ST3GAL3: variants seen among roughly 807,000 people sequenced by gnomAD.
ST3GAL3 encodes the protein ST3 beta-galactoside alpha-2,3-sialyltransferase 3.
A neutral mutation model predicts 50.1 loss-of-function variants in ST3GAL3; 21 were observed. The observed-to-expected ratio is 0.42, with a 90% CI of 0.30 to 0.60. ST3GAL3 has a LOEUF of 0.60. Ranked by LOEUF, ST3GAL3 falls within the 20% of genes least tolerant of loss-of-function variation. The pLI, the probability that ST3GAL3 is intolerant of heterozygous loss-of-function variation, is 0.19. For missense variants in ST3GAL3, 353 were observed against 489.4 expected (o/e 0.72, Z 2.63); for synonymous variants, 183 against 190.0 (o/e 0.96, Z 0.30).
intron 5 of ST3GAL3, among the ~76,000 whole-genome samples, chr1:43,883,709 G>C (rs3791097): frequency 0.094 from 14,281 of 152,210 alleles, 902 homozygotes; most frequent in South Asian, 0.23. Flanking sequence ...GGTGGGGAGG[G>C]TGCCAGGCTG....
At chr1:43,910,156 G>C (rs908085233) in intron 9 of ST3GAL3, among the ~76,000 whole-genome samples, 2 of 152,196 alleles carry the variant, frequency 1.3e-5, no homozygotes, top group Non-Finnish European at 2.9e-5. Flanking sequence ...TTGTAGTGTT[G>C]TTTGTAATAG....
rs115910682 is a variant in ST3GAL3 at position 43,812,169 on chromosome 1, T to C, written c.167-2722T>C. On this transcript the variant is annotated intron_variant, in intron 3 of 11. Coordinates refer to ENST00000347631, the MANE Select transcript of ST3GAL3 (RefSeq NM_006279.5). ...TCATGAGCTGTCAGTCCACATAATC[T>C]TTACATTTTTCTTGAATCCATTTGC... Among the ~76,000 whole-genome samples the C allele has an allele frequency of 3.5e-3, 531 of 152,328 alleles. 5 individuals carry two copies. The highest frequency in any genetic ancestry group is 0.012 in the African/African-American group (513 of 41,570).
intron 11 of ST3GAL3, 131 bp downstream of exon 11, chr1:43,921,059 C>G: frequency 9.3e-7 from 1 of 1,074,702 alleles, no homozygotes; most frequent in Non-Finnish European, 1.4e-6. Flanking sequence ...CACCAAGCAT[C>G]CTACGTGCCC....
chr1:43,728,632 T>C (rs1674139815), intron 1 of ST3GAL3, among the ~76,000 whole-genome samples: 1 of 152,148 alleles, frequency 6.6e-6, no homozygotes, highest in South Asian at 2.1e-4. Context: ...GTGCCTATGG[T>C]CCTACCTACT....
At chr1:43,708,742 C>T (rs1369618115) in intron 1 of ST3GAL3, among the ~76,000 whole-genome samples, 2 of 152,224 alleles carry the variant, frequency 1.3e-5, no homozygotes, top group Non-Finnish European at 2.9e-5. Context: ...TGGTGAATCT[C>T]TCCATTTCGC....
chr1:43,925,327 A>G (rs1244229600), intron 11 of ST3GAL3, among the ~76,000 whole-genome samples: 2 of 148,546 alleles, frequency 1.3e-5, no homozygotes, highest in African/African-American at 2.5e-5. Flanking sequence ...TAGCTTCTCA[A>G]ATCATAAAAG....
intron 5 of ST3GAL3, among the ~76,000 whole-genome samples, chr1:43,873,564 C>A (rs2073453488): frequency 6.6e-6 from 1 of 151,984 alleles, no homozygotes; most frequent in Non-Finnish European, 1.5e-5. Context: ...GTGGGCAGAT[C>A]ACCTGAGGCC....
chr1:43,738,389 T>C (rs1185826857), intron 2 of ST3GAL3: 1 of 152,224 alleles, frequency 6.6e-6, no homozygotes, highest in Non-Finnish European at 1.5e-5. Flanking sequence ...ATAGGTTGTT[T>C]AGACCATCTG....
chr1:43,880,087 G>A (rs965345006), intron 5 of ST3GAL3, among the ~76,000 whole-genome samples: 9 of 152,216 alleles, frequency 5.9e-5, no homozygotes, highest in African/African-American at 2.2e-4. Context: ...ACATGGTGGA[G>A]GCTGTCACCC....
intron 11 of ST3GAL3, among the ~76,000 whole-genome samples, chr1:43,928,615 A>C (rs1473340674): frequency 6.9e-6 from 1 of 144,652 alleles, no homozygotes; most frequent in Non-Finnish European, 1.5e-5. Context: ...AAAAACAAAA[A>C]CATTTATGGT....
chr1:43,786,599 T>C (rs1324646954), intron 2 of ST3GAL3, among the ~76,000 whole-genome samples: 1 of 152,224 alleles, frequency 6.6e-6, no homozygotes, highest in Non-Finnish European at 1.5e-5. Flanking sequence ...GTTACATGCT[T>C]TAATATTCTT....
intron 5 of ST3GAL3, among the ~76,000 whole-genome samples, chr1:43,884,467 C>T (rs539933663): frequency 8.5e-5 from 13 of 152,346 alleles, no homozygotes; most frequent in Admixed American, 1.3e-4. Flanking sequence ...ACACCAGGCT[C>T]TTCCTGTGCA....
chr1:43,908,392 A>G (rs967627663), intron 9 of ST3GAL3, among the ~76,000 whole-genome samples: 10 of 152,144 alleles, frequency 6.6e-5, no homozygotes, highest in Non-Finnish European at 1.2e-4. Context: ...TTCTCATACC[A>G]GCAGCACCAG....
chr1:43,922,270 G>A (rs1241144003), intron 11 of ST3GAL3: 1 of 152,298 alleles, frequency 6.6e-6, no homozygotes, highest in Non-Finnish European at 1.5e-5. Flanking sequence ...AGGAGGCCAA[G>A]GTGGGCGGAT....
At chr1:43,809,182 A>G (rs1427827676) in intron 3 of ST3GAL3, among the ~76,000 whole-genome samples, 2 of 152,200 alleles carry the variant, frequency 1.3e-5, no homozygotes, top group Non-Finnish European at 2.9e-5. Flanking sequence ...GAGATGACAC[A>G]AATGAGAGAA....
intron 5 of ST3GAL3, among the ~76,000 whole-genome samples, chr1:43,864,851 C>T (rs1351304629): frequency 6.6e-6 from 1 of 152,038 alleles, no homozygotes; most frequent in Non-Finnish European, 1.5e-5. Context: ...CATTTCCTAA[C>T]ATAGGAAACA....
chr1:43,720,733 T>C (rs1441425490), intron 1 of ST3GAL3, among the ~76,000 whole-genome samples: 1 of 152,190 alleles, frequency 6.6e-6, no homozygotes, highest in Non-Finnish European at 1.5e-5. Context: ...ACATGCTTTT[T>C]TGGGGGACAT....
At chr1:43,786,419 T>C (rs2057347338) in intron 2 of ST3GAL3, among the ~76,000 whole-genome samples, 1 of 152,174 alleles carries the variant, frequency 6.6e-6, no homozygotes, top group African/African-American at 2.4e-5. Context: ...ACTTCTTCTT[T>C]AGATGTAGCA....
intron 9 of ST3GAL3, among the ~76,000 whole-genome samples, chr1:43,910,793 C>T (rs187187613): frequency 6.4e-4 from 97 of 152,294 alleles, no homozygotes; most frequent in Middle Eastern, 3.4e-3. Context: ...TCAGTATAAC[C>T]GGGGTGTGGC....
Sources: allele counts gnomAD v4.1 joint callset (sites outside exome capture counted in the v4.1 genomes callset), GRCh38; gene constraint gnomAD v4.1.1; transcripts MANE v1.5; gene names NCBI Gene and HGNC (gene_info 2026-07-23, HGNC 2026-07-21).